The following TMEM238 variants were observed in gnomAD, a reference collection of about 807,000 sequenced individuals.
TMEM238 encodes transmembrane protein 238.
For missense variants in TMEM238, 169 were observed against 206.8 expected, an observed-to-expected ratio of 0.82 and a Z score of 1.12; for synonymous variants, 103 against 111.5, an observed-to-expected ratio of 0.92 and a Z score of 0.48.
rs1253608162 is a variant in TMEM238 at position 55,384,228 on chromosome 19, T to C, written c.32A>G (p.Gln11Arg). ...GGACGGTGCACCCGGCGGGCTCCCC[T>C]GCGAGGCGCACACCGCTGGCGCCGC... MAAAPAVCAS[Q>R]GSPPGAPSAP... Residue 11 changes from glutamine (Q) to arginine (R), a missense_variant, in exon 1 of 2, where the codon CAG (glutamine) becomes CGG (arginine). Coordinates refer to ENST00000444469, the MANE Select transcript of TMEM238 (RefSeq NM_001190764.2). This position sits in a 1 kb window ranked among gnomAD's most constrained non-coding sequence, Gnocchi z 5.6. 1.8e-6 allele frequency: 2 copies of C among 1,133,282 alleles called. No homozygotes were observed. Among genetic ancestry groups the C allele is most frequent in the Non-Finnish European group, 2.2e-6 (2 of 928,256 alleles). The allele number at this position is 1,133,282 out of a possible 1,614,324, so 70.2% of individuals were successfully genotyped here. A position where few individuals can be genotyped will look rare whatever the true frequency, so the allele number is the denominator to read the frequency against.
intron 1 of TMEM238, among the ~76,000 whole-genome samples, chr19:55,381,784 T>C (rs1048443948): frequency 6.6e-6 from 1 of 152,184 alleles, no homozygotes; most frequent in Non-Finnish European, 1.5e-5. Context: ...ATTTCTTTTG[T>C]TCAGTAGGAG....
chr19:55,381,005 T>C (rs143352801), intron 1 of TMEM238, among the ~76,000 whole-genome samples: 156 of 152,352 alleles, frequency 1.0e-3, no homozygotes, highest in African/African-American at 3.4e-3. Context: ...CAGATGTTCA[T>C]GCTTTCTTAC....
In TMEM238 at chr19:55,384,162, C is replaced by T. The variant is rs1364780479; in HGVS notation, c.98G>A (p.Arg33His). 1 of 1,237,248 alleles carries T rather than the reference C, an allele frequency of 8.1e-7. No homozygotes were observed. The highest frequency in any genetic ancestry group is 1.0e-6 in the Non-Finnish European group (1 of 987,716). 76.6% of individuals were successfully genotyped at this position (1,237,248 alleles called of 1,614,324 possible). ...GGCCAGCAGCAGCGCCATCCGGCAGCGGCCCAGGCCGGCCGCGGGTGCTGG... is the reference window on the plus strand; with the variant it reads ...GGCCAGCAGCAGCGCCATCCGGCAGTGGCCCAGGCCGGCCGCGGGTGCTGG... ...AAPAPAAGLG[R>H]CRMALLLAVA... The change falls in exon 1 of 2, where the codon CGC (arginine) becomes CAC (histidine). Residue 33 changes from arginine to histidine, a missense_variant. Transcript: ENST00000444469. This position sits in a 1 kb window ranked among gnomAD's most constrained non-coding sequence, Gnocchi z 5.6.
Position 55,384,059 on chromosome 19 carries a change from G to A in TMEM238, c.201C>T (p.Phe67=). The change falls in exon 1 of 2, where the codon TTC becomes TTT. Residue 67 remains phenylalanine (F), a synonymous_variant. Transcript: ENST00000444469. The surrounding 1 kb of genome is among the most constrained non-coding windows in gnomAD (Gnocchi z 5.6). ...CGCCCGAGTAGATGAGCAGGTCCCCGAAGTCGCGGCCGCGCACCTGCAGCT... is the reference window on the plus strand; with the variant it reads ...CGCCCGAGTAGATGAGCAGGTCCCCAAAGTCGCGGCCGCGCACCTGCAGCT... ...FAQLQVRGRD[F]GDLLIYSGAL... 2 of 1,481,900 alleles carry A rather than the reference G, an allele frequency of 1.3e-6. No homozygotes were observed. The highest frequency in any genetic ancestry group is 1.8e-6 in the Non-Finnish European group (2 of 1,114,138). The allele number at this position is 1,481,900 out of a possible 1,614,324, so 91.8% of individuals were successfully genotyped here.
chr19:55,380,754 T>C (rs2089883533), intron 1 of TMEM238, among the ~76,000 whole-genome samples: 1 of 150,126 alleles, frequency 6.7e-6, no homozygotes, highest in South Asian at 2.1e-4. Context: ...CTTTCTTTTT[T>C]TGAGACGGGT....
Position 55,383,644 on chromosome 19 carries a change from A to G in TMEM238, c.*7+78T>C. The G allele has an allele frequency of 5.6e-6, 1 of 178,058 alleles. No homozygotes were observed. Among genetic ancestry groups the G allele is most frequent in the African/African-American group, 2.4e-5 (1 of 41,888 alleles). The allele number at this position is 178,058 out of a possible 1,614,324, so 11.0% of individuals were successfully genotyped here. A position where few individuals can be genotyped will look rare whatever the true frequency, so the allele number is the denominator to read the frequency against. Reference sequence around the variant, plus strand: ...GGCCGCTCTCTGTCTCCATCTGTCCATCGCTCCCCCGTCTGTCTCCATTCC... The same window carrying G: ...GGCCGCTCTCTGTCTCCATCTGTCCGTCGCTCCCCCGTCTGTCTCCATTCC... On this transcript the variant is annotated intron_variant, in intron 1 of 1. Coordinates refer to ENST00000444469, the MANE Select transcript of TMEM238 (RefSeq NM_001190764.2). This position sits in a 1 kb window ranked among gnomAD's most constrained non-coding sequence, Gnocchi z 4.9.
Position 55,383,699 on chromosome 19 carries a change from G to C in TMEM238, c.*7+23C>G, listed in dbSNP as rs374715939. 4 of 250,088 alleles carry C rather than the reference G, an allele frequency of 1.6e-5. No homozygotes were observed. The highest frequency in any genetic ancestry group is 2.3e-5 in the Non-Finnish European group (3 of 130,314). 15.5% of individuals were successfully genotyped at this position (250,088 alleles called of 1,614,324 possible). ...CCTCCCTCGGTCCCTCCGTCTCCCCGCCCTGCCCCGCCCGCCCCTCACCTG... is the reference window on the plus strand; with the variant it reads ...CCTCCCTCGGTCCCTCCGTCTCCCCCCCCTGCCCCGCCCGCCCCTCACCTG... On this transcript the variant is annotated intron_variant, in intron 1 of 1. Coordinates refer to ENST00000444469, the MANE Select transcript of TMEM238 (RefSeq NM_001190764.2). This position sits in a 1 kb window ranked among gnomAD's most constrained non-coding sequence, Gnocchi z 4.9.
rs1030766641 is a variant in TMEM238, at chr19:55,383,814, G to A, written c.446C>T (p.Pro149Leu). The A allele has an allele frequency of 1.1e-5, 5 of 456,684 alleles. No individual in the cohort carries two copies. Among genetic ancestry groups the A allele is most frequent in the African/African-American group, 2.2e-5 (1 of 46,462 alleles). 28.3% of individuals were successfully genotyped at this position (456,684 alleles called of 1,614,324 possible). The change falls in exon 1 of 2, where the codon CCG becomes CTG. Residue 149 changes from proline (P) to leucine (L), a missense_variant. Physicochemically the swap from Pro to Leu is moderately conservative, Grantham distance 98 (BLOSUM62 -3). Coordinates refer to ENST00000444469, the MANE Select transcript of TMEM238 (RefSeq NM_001190764.2). This position sits in a 1 kb window ranked among gnomAD's most constrained non-coding sequence, Gnocchi z 4.9. ...CACGCGGCGGGAGCCGGCGGCGGGC[G>A]GCGGGGGCGCGCGGGCGGCTCGGCG... ...RARRAARAPP[P>L]PAAGSRRVRL...
chr19:55,379,645 G>T (rs552095690), intron 1 of TMEM238, among the ~76,000 whole-genome samples: 34 of 152,240 alleles, frequency 2.2e-4, no homozygotes, highest in African/African-American at 7.2e-4. Context: ...GAAGGGGAAA[G>T]GCAGAAGCAC....
Position 55,383,357 on chromosome 19 carries a change from C to T in TMEM238, c.*7+365G>A, listed in dbSNP as rs1426505885. Among the ~76,000 whole-genome samples the T allele has an allele frequency of 1.3e-5, 2 of 152,126 alleles. No homozygotes were observed. The highest frequency in any genetic ancestry group is 2.9e-5 in the Non-Finnish European group (2 of 68,030). On this transcript the variant is annotated intron_variant, in intron 1 of 1. Coordinates refer to ENST00000444469, the MANE Select transcript of TMEM238 (RefSeq NM_001190764.2). This position sits in a 1 kb window ranked among gnomAD's most constrained non-coding sequence, Gnocchi z 4.9. ...CGCCACTGCACTCCAGCCTGGGTGA[C>T]AGTGAGAGATCCTGTCTCAAAACAA...
In TMEM238 at chr19:55,383,679, C is replaced by T. The variant is rs1205792751; in HGVS notation, c.*7+43G>A. The T allele has an allele frequency of 3.7e-6, 1 of 270,064 alleles. No homozygotes were observed. Among genetic ancestry groups the T allele is most frequent in the Non-Finnish European group, 7.0e-6 (1 of 142,064 alleles). 16.7% of individuals were successfully genotyped at this position (270,064 alleles called of 1,614,324 possible). On this transcript the variant is annotated intron_variant, in intron 1 of 1. Coordinates refer to ENST00000444469, the MANE Select transcript of TMEM238 (RefSeq NM_001190764.2). The surrounding 1 kb of genome is among the most constrained non-coding windows in gnomAD (Gnocchi z 4.9). ...CGTCTGTCTCCATTCCCGTCCCTCC[C>T]TCGGTCCCTCCGTCTCCCCGCCCTG...
intron 1 of TMEM238, among the ~76,000 whole-genome samples, chr19:55,381,862 G>C (rs535779888): frequency 6.6e-5 from 10 of 152,236 alleles, no homozygotes; most frequent in East Asian, 5.8e-4. Flanking sequence ...ATCAGGAAAA[G>C]CTCTTGCCCC....
In TMEM238 at chr19:55,384,103, G is replaced by T. The variant is rs2089898566; in HGVS notation, c.157C>A (p.Leu53Met). The change falls in exon 1 of 2, where the codon CTG becomes ATG. Residue 53 changes from leucine to methionine, a missense_variant. Transcript: ENST00000444469. The surrounding 1 kb of genome is among the most constrained non-coding windows in gnomAD (Gnocchi z 5.6). ...TGCAGCTGCGCGAACACGCCGGTCA[G>T]CAGCGCCGCCATGCCCGCCACATCC... is the stretch of plus-strand genomic sequence containing the variant. ...ALDVAGMAAL[L>M]TGVFAQLQVR... 1 of 1,459,102 alleles carries T rather than the reference G, an allele frequency of 6.9e-7. No homozygotes were observed. The highest frequency in any genetic ancestry group is 1.5e-5 in the African/African-American group (1 of 68,748). The allele number at this position is 1,459,102 out of a possible 1,614,324, so 90.4% of individuals were successfully genotyped here. A position where few individuals can be genotyped will look rare whatever the true frequency, so the allele number is the denominator to read the frequency against.
chr19:55,383,452 C>T lies in TMEM238; in HGVS notation c.*7+270G>A, dbSNP rs1466696528. Among the ~76,000 whole-genome samples, 2 of 152,174 alleles carry T rather than the reference C, an allele frequency of 1.3e-5. No individual in the cohort carries two copies. The highest frequency in any genetic ancestry group is 4.8e-5 in the African/African-American group (2 of 41,444). ...GTGTACCTGGAAGCTGGGGCTCTCC[C>T]CGTGCGGGGGGCCTAACTGTGTGAC... On this transcript the variant is annotated intron_variant, in intron 1 of 1. Coordinates refer to ENST00000444469, the MANE Select transcript of TMEM238 (RefSeq NM_001190764.2). This position sits in a 1 kb window ranked among gnomAD's most constrained non-coding sequence, Gnocchi z 4.9.
intron 1 of TMEM238, among the ~76,000 whole-genome samples, chr19:55,380,128 T>C (rs553311217): frequency 2.0e-5 from 3 of 151,742 alleles, no homozygotes; most frequent in African/African-American, 7.3e-5. Context: ...TAAACAAGAG[T>C]CCTGGGTTTG....
intron 1 of TMEM238, among the ~76,000 whole-genome samples, chr19:55,380,529 A>T (rs1329506416): frequency 6.8e-6 from 1 of 147,942 alleles, no homozygotes; most frequent in Non-Finnish European, 1.5e-5. Context: ...GATTCAAGTG[A>T]TTCTCCTGCC....
At chr19:55,381,868 G>A (rs555675802) in intron 1 of TMEM238, among the ~76,000 whole-genome samples, 1 of 152,170 alleles carries the variant, frequency 6.6e-6, no homozygotes, top group South Asian at 2.1e-4. Context: ...AAAAGCTCTT[G>A]CCCCTTTATC....
chr19:55,382,137 A>G (rs992173402), intron 1 of TMEM238, among the ~76,000 whole-genome samples: 2 of 150,640 alleles, frequency 1.3e-5, no homozygotes, highest in East Asian at 2.0e-4. Flanking sequence ...CAACTCATCC[A>G]TCCACGCACC....
At position 55,383,757 on chromosome 19, in the gene TMEM238, G is replaced by T; in HGVS notation, c.503C>A (p.Pro168His). Residue 168 changes from proline (P) to histidine (H), a missense_variant, in exon 1 of 2, where the codon CCC becomes CAC. Coordinates refer to ENST00000444469, the MANE Select transcript of TMEM238 (RefSeq NM_001190764.2). This position sits in a 1 kb window ranked among gnomAD's most constrained non-coding sequence, Gnocchi z 4.9. ...CTCGCTGCCCGCGCCCGCCGCCCCG[G>T]GCCCGGCCTCGAGCGTGGCGAGCTG... is the stretch of plus-strand genomic sequence containing the variant. Reference protein sequence around the residue: ...RLQLATLEAGPGAAGAGSE With the variant: ...RLQLATLEAGHGAAGAGSE 7.5e-6 allele frequency: 2 copies of T among 266,448 alleles called. No homozygotes were observed. Among genetic ancestry groups the T allele is most frequent in the South Asian group, 3.0e-4 (2 of 6,626 alleles). 16.5% of individuals were successfully genotyped at this position (266,448 alleles called of 1,614,324 possible). A position where few individuals can be genotyped will look rare whatever the true frequency, so the allele number is the denominator to read the frequency against.
Sources: allele counts gnomAD v4.1 joint callset (sites outside exome capture counted in the v4.1 genomes callset), GRCh38; gene constraint gnomAD v4.1.1; non-coding constraint Gnocchi (gnomAD v3.1); transcripts MANE v1.5; gene names NCBI Gene and HGNC (gene_info 2026-07-23, HGNC 2026-07-21).